MDGA2: variants seen among roughly 807,000 people sequenced by gnomAD.
MDGA2 encodes MAM domain-containing glycosylphosphatidylinositol anchor protein 2.
Under a neutral mutation model 117.8 loss-of-function variants are expected in MDGA2, and 40 were observed. The ratio of observed to expected loss-of-function variants is 0.34; its 90% CI spans 0.26 to 0.44. The LOEUF (loss-of-function observed/expected upper bound fraction) is 0.44, where lower values mean the gene tolerates loss of function less well. Ranked by LOEUF, MDGA2 falls within the 20% of genes least tolerant of loss-of-function variation. The probability of loss-of-function intolerance (pLI) is 1.00; values close to 1 mark genes in which losing one functional copy is unlikely to be tolerated. For missense variants in MDGA2, 1,123 were observed against 1,250.6 expected, an observed-to-expected ratio of 0.90 and a Z score of 1.54; for synonymous variants, 452 against 439.0, an observed-to-expected ratio of 1.03 and a Z score of -0.37.
At chr14:47,438,566 C>T (rs986040895) in intron 1 of MDGA2, among the ~76,000 whole-genome samples, 2 of 152,140 alleles carry the variant, frequency 1.3e-5, no homozygotes, top group African/African-American at 4.8e-5. Flanking sequence ...ATAGCTACTT[C>T]CCTCTCTAGC....
At chr14:46,872,772 T>C (rs1219853204) in intron 14 of MDGA2, among the ~76,000 whole-genome samples, 3 of 151,958 alleles carry the variant, frequency 2.0e-5, no homozygotes, top group Admixed American at 6.6e-5. Context: ...GAATTGCACA[T>C]AAAGAATGGT....
At chr14:47,396,351 C>T (rs1213049471) in intron 1 of MDGA2, among the ~76,000 whole-genome samples, 1 of 151,958 alleles carries the variant, frequency 6.6e-6, no homozygotes, top group African/African-American at 2.4e-5. Context: ...GACCTAAAAC[C>T]ATGAAAACCC....
intron 9 of MDGA2, among the ~76,000 whole-genome samples, chr14:46,936,403 G>A (rs193141140): frequency 1.6e-4 from 24 of 152,160 alleles, no homozygotes; most frequent in African/African-American, 5.5e-4. Context: ...TATGGGAATG[G>A]AGGTCCATGT....
At chr14:47,004,295 T>C (rs1474172099) in intron 8 of MDGA2, among the ~76,000 whole-genome samples, 1 of 151,906 alleles carries the variant, frequency 6.6e-6, no homozygotes, top group Non-Finnish European at 1.5e-5. Flanking sequence ...TTTTGGTGTA[T>C]GGAAATCCAA....
At chr14:46,998,428 A>G (rs1467227269) in intron 8 of MDGA2, among the ~76,000 whole-genome samples, 4 of 152,174 alleles carry the variant, frequency 2.6e-5, no homozygotes. Context: ...GTTTAGAAAT[A>G]TATTATCTGG....
intron 1 of MDGA2, among the ~76,000 whole-genome samples, chr14:47,618,133 T>A (rs958547599): frequency 6.6e-6 from 1 of 152,124 alleles, no homozygotes; most frequent in Non-Finnish European, 1.5e-5. Context: ...GAGACAAGGA[T>A]AAACATATGC....
intron 1 of MDGA2, among the ~76,000 whole-genome samples, chr14:47,306,322 C>T (rs184983671): frequency 2.6e-4 from 40 of 152,306 alleles, no homozygotes; most frequent in African/African-American, 7.5e-4. Context: ...CGCCATGGAA[C>T]TCACATTACC....
At chr14:47,077,917 T>C (rs1406904994) in intron 6 of MDGA2, among the ~76,000 whole-genome samples, 3 of 152,062 alleles carry the variant, frequency 2.0e-5, no homozygotes, top group Admixed American at 6.6e-5. Flanking sequence ...TGATGAATAA[T>C]ATCTTTGAAA....
chr14:47,023,434 G>A (rs928132141), intron 8 of MDGA2, among the ~76,000 whole-genome samples: 3 of 152,074 alleles, frequency 2.0e-5, no homozygotes, highest in Non-Finnish European at 4.4e-5. Flanking sequence ...TCAAACACTG[G>A]TCTAAATGCT....
chr14:47,234,286 C>T (rs1419821173), intron 2 of MDGA2, among the ~76,000 whole-genome samples: 3 of 150,834 alleles, frequency 2.0e-5, no homozygotes, highest in African/African-American at 7.3e-5. Flanking sequence ...TATGTGAAAC[C>T]ATAATCATAA....
intron 5 of MDGA2, among the ~76,000 whole-genome samples, chr14:47,097,947 T>C (rs75027539): frequency 1.2e-3 from 181 of 152,054 alleles, no homozygotes; most frequent in African/African-American, 4.1e-3. Context: ...ACACTCCAAA[T>C]AGAAACTGTA....
At chr14:47,068,208 A>G (rs958172188) in intron 6 of MDGA2, among the ~76,000 whole-genome samples, 2 of 152,050 alleles carry the variant, frequency 1.3e-5, no homozygotes, top group African/African-American at 4.8e-5. Context: ...TGTCTCTTGA[A>G]TATCCTTTCT....
intron 9 of MDGA2, among the ~76,000 whole-genome samples, chr14:46,926,476 A>C (rs902687345): frequency 6.6e-6 from 1 of 152,138 alleles, no homozygotes. Context: ...AAGCTAATAC[A>C]TATAGCCAAA....
intron 1 of MDGA2, among the ~76,000 whole-genome samples, chr14:47,628,447 A>C (rs1276910999): frequency 6.6e-6 from 1 of 152,178 alleles, no homozygotes; most frequent in Non-Finnish European, 1.5e-5. Context: ...TTGTTTAATG[A>C]ATTTAAAGTC....
At chr14:47,076,783 T>G (rs1890512272) in intron 6 of MDGA2, among the ~76,000 whole-genome samples, 1 of 152,092 alleles carries the variant, frequency 6.6e-6, no homozygotes, top group Admixed American at 6.6e-5. Context: ...TATATCAGAA[T>G]TAATTTTCTT....
intron 10 of MDGA2, among the ~76,000 whole-genome samples, chr14:46,897,067 G>A (rs1004803091): frequency 1.3e-5 from 2 of 152,074 alleles, no homozygotes; most frequent in Non-Finnish European, 2.9e-5. Context: ...AAAGTAAATC[G>A]ATAATTGAAC....
At chr14:47,305,867 G>T (rs1889427102) in intron 1 of MDGA2, among the ~76,000 whole-genome samples, 1 of 152,188 alleles carries the variant, frequency 6.6e-6, no homozygotes, top group African/African-American at 2.4e-5. Flanking sequence ...CTGCCTGGGG[G>T]AGTCTAACAA....
chr14:47,510,123 G>A (rs1894608028), intron 1 of MDGA2, among the ~76,000 whole-genome samples: 1 of 152,132 alleles, frequency 6.6e-6, no homozygotes. Flanking sequence ...ATTAGGCCAT[G>A]CAGGCAGAGC....
intron 8 of MDGA2, 24 bp downstream of exon 8, chr14:47,034,987 A>C (rs1888791616): frequency 6.3e-7 from 1 of 1,586,286 alleles, no homozygotes; most frequent in African/African-American, 1.3e-5. Flanking sequence ...CCATATGGAA[A>C]TGCATAAAAG....
Sources: allele counts gnomAD v4.1 joint callset (sites outside exome capture counted in the v4.1 genomes callset), GRCh38; gene constraint gnomAD v4.1.1; transcripts MANE v1.5; gene names NCBI Gene and HGNC (gene_info 2026-07-23, HGNC 2026-07-21).